Variants in SMG6 observed in about 807,000 individuals in gnomAD.
SMG6 encodes the protein telomerase-binding protein EST1A.
In SMG6, 66 loss-of-function variants were observed where a neutral mutation model predicts 142.2. The observed-to-expected ratio is 0.46, with a 90% CI of 0.38 to 0.57. The LOEUF (loss-of-function observed/expected upper bound fraction) is 0.57, where lower values mean the gene tolerates loss of function less well. SMG6 is among the 20% of genes least tolerant of loss of function. SMG6 has a pLI of 0.00. For synonymous variants in SMG6, 779 were observed against 702.4 expected, an observed-to-expected ratio of 1.11 and a Z score of -1.72; for missense variants, 1,793 against 1,832.0, an observed-to-expected ratio of 0.98 and a Z score of 0.39.
At chr17:2,282,951 A>G in intron 7 of SMG6, 92 bp from the exon 8 acceptor site, 2 of 1,285,588 alleles carry the variant, frequency 1.6e-6, no homozygotes, top group Non-Finnish European at 1.1e-6. Flanking sequence ...CAGGCGGATC[A>G]CTTGAGGTCA....
intron 1 of SMG6, among the ~76,000 whole-genome samples, chr17:2,301,080 C>T (rs1278834855): frequency 5.3e-5 from 8 of 152,162 alleles, no homozygotes; most frequent in Non-Finnish European, 1.0e-4. Flanking sequence ...CCTTTTCTTC[C>T]GCCTCTAACT....
intron 12 of SMG6, among the ~76,000 whole-genome samples, chr17:2,181,017 A>G (rs1049356336): frequency 6.6e-6 from 1 of 152,164 alleles, no homozygotes; most frequent in African/African-American, 2.4e-5. Flanking sequence ...AGCAACAAGG[A>G]CTTTACAAGC....
chr17:2,221,352 C>T (rs1178593825), intron 10 of SMG6, among the ~76,000 whole-genome samples: 2 of 152,194 alleles, frequency 1.3e-5, no homozygotes, highest in African/African-American at 2.4e-5. Context: ...TCCCCCTTCA[C>T]TCTCTTCCTC....
At chr17:2,143,124 G>T (rs1352026058) in intron 13 of SMG6, among the ~76,000 whole-genome samples, 1 of 152,140 alleles carries the variant, frequency 6.6e-6, no homozygotes, top group East Asian at 1.9e-4. Flanking sequence ...CTGCTAGTGA[G>T]AATGTAAAAT....
chr17:2,166,823 G>A (rs1189888705), intron 13 of SMG6, among the ~76,000 whole-genome samples: 1 of 152,024 alleles, frequency 6.6e-6, no homozygotes, highest in Admixed American at 6.6e-5. Context: ...AAAAAGCAAA[G>A]ACAGATATAA....
intron 10 of SMG6, among the ~76,000 whole-genome samples, chr17:2,207,767 T>C (rs1209198239): frequency 6.6e-6 from 1 of 152,236 alleles, no homozygotes; most frequent in Non-Finnish European, 1.5e-5. Context: ...GCTACATTTA[T>C]ATTTTAACAC....
Position 2,300,269 on chromosome 17 carries a change from G to A in SMG6, c.484C>T (p.Arg162Trp), listed in dbSNP as rs200691961. Residue 162 changes from arginine (R) to tryptophan (W), a missense_variant, in exon 2 of 19, where the codon CGG (arginine) becomes TGG (tryptophan). Coordinates refer to ENST00000263073, the MANE Select transcript of SMG6 (RefSeq NM_017575.5). ...TTGAGGACTTCTTCCTCCTCCACCC[G>A]ACTGGCGGATTCTTTGCTAACAGTC... ...LQTVSKESAS[R>W]VEEEEVLNQV... 579 of 1,614,014 alleles carry A rather than the reference G, an allele frequency of 3.6e-4. No homozygotes were observed. The highest frequency in any genetic ancestry group is 4.8e-4 in the Non-Finnish European group (562 of 1,180,024).
intron 10 of SMG6, among the ~76,000 whole-genome samples, chr17:2,230,326 AAAAAAAAAAAG>A (rs1431884652): frequency 2.6e-4 from 31 of 119,368 alleles, no homozygotes; most frequent in Non-Finnish European, 3.3e-4. Context: ...AAAAAAAAAA[AAAAAAAAAAAG>A]GGAAAACCAC....
intron 15 of SMG6, among the ~76,000 whole-genome samples, chr17:2,078,965 C>T (rs985614307): frequency 3.3e-5 from 5 of 151,408 alleles, no homozygotes; most frequent in African/African-American, 9.8e-5. Context: ...GATAGGTCAT[C>T]GGTGATTTTT....
intron 15 of SMG6, among the ~76,000 whole-genome samples, chr17:2,079,294 A>G (rs1162104216): frequency 6.6e-6 from 1 of 152,210 alleles, no homozygotes; most frequent in Non-Finnish European, 1.5e-5. Flanking sequence ...AACAGTTTCC[A>G]TAACTGCTGG....
At chr17:2,120,366 T>C (rs1454909322) in intron 13 of SMG6, among the ~76,000 whole-genome samples, 1 of 151,484 alleles carries the variant, frequency 6.6e-6, no homozygotes, top group Admixed American at 6.6e-5. Flanking sequence ...CTCAAGAAAA[T>C]GGGAGGAAGA....
intron 10 of SMG6, among the ~76,000 whole-genome samples, chr17:2,206,946 A>G (rs1484451032): frequency 6.6e-6 from 1 of 151,532 alleles, no homozygotes; most frequent in Non-Finnish European, 1.5e-5. Flanking sequence ...TGAAAGTAAA[A>G]TATTTTTTAA....
rs2071998358 is a variant in SMG6 at position 2,186,705 on chromosome 17, T to A, written c.3113A>T (p.Asp1038Val). ...GGATGTGGGAGGAGGATTCCAGGTG[T>A]CCGGGTAGCCGAGCATCCAATCTGA... ...VWSDWMLGYP[D>V]TWNPPPTSLD... Residue 1038 changes from aspartate to valine, a missense_variant, in exon 12 of 19, where the codon GAC becomes GTC. By Grantham distance (152) the Asp-to-Val change is radical. Around this residue, in one of 3 missense-constraint regions of SMG6, gnomAD observed 1,597 missense variants for 1,584.6 expected, o/e 1.01. Transcript: ENST00000263073. 1 of 1,614,158 alleles carries A rather than the reference T, an allele frequency of 6.2e-7. No individual in the cohort carries two copies. Among genetic ancestry groups the A allele is most frequent in the African/African-American group, 1.3e-5 (1 of 75,034 alleles).
chr17:2,301,602 G>C (rs1025957925), intron 1 of SMG6, among the ~76,000 whole-genome samples: 1 of 152,186 alleles, frequency 6.6e-6, no homozygotes, highest in Non-Finnish European at 1.5e-5. Context: ...CAGCACTTTG[G>C]GAGGCCGTGG....
chr17:2,166,395 C>T (rs1263477305), intron 13 of SMG6, among the ~76,000 whole-genome samples: 1 of 151,944 alleles, frequency 6.6e-6, no homozygotes, highest in Non-Finnish European at 1.5e-5. Context: ...AATAGAGAAA[C>T]AAATTATATT....
Position 2,196,931 on chromosome 17 carries a change from T to C in SMG6, c.2870-8416A>G, listed in dbSNP as rs76375356. Among the ~76,000 whole-genome samples, 321 of 152,232 alleles carry C rather than the reference T, an allele frequency of 2.1e-3. 3 individuals carry two copies. Among genetic ancestry groups the C allele is most frequent in the African/African-American group, 7.5e-3 (311 of 41,546 alleles). ...GTACTGAAGCAATTAGACATCTGTA[T>C]GCAAAAAAACAAAGCAATAAAACCT... is the stretch of plus-strand genomic sequence containing the variant. On this transcript the variant is annotated intron_variant, in intron 10 of 18. Coordinates refer to ENST00000263073, the MANE Select transcript of SMG6 (RefSeq NM_017575.5).
rs1307007339 is a variant in SMG6, at chr17:2,297,962, A to C, written c.1941T>G (p.Ala647=). 1 of 1,613,412 alleles carries C rather than the reference A, an allele frequency of 6.2e-7. No individual in the cohort carries two copies. Among genetic ancestry groups the C allele is most frequent in the Non-Finnish European group, 8.5e-7 (1 of 1,180,012 alleles). ...QNVDQILWKN[A]FYQVIEKFRQ... ...TGAACTTCTCAATCACCTGATAGAAAGCATTCTTCCACAGGATCTGATCCA... is the reference window on the plus strand; with the variant it reads ...TGAACTTCTCAATCACCTGATAGAACGCATTCTTCCACAGGATCTGATCCA... The change falls in exon 3 of 19, where the codon GCT becomes GCG. Residue 647 remains alanine (A), a synonymous_variant. Coordinates refer to ENST00000263073, the MANE Select transcript of SMG6 (RefSeq NM_017575.5).
At chr17:2,286,808 G>A (rs1240021716) in intron 6 of SMG6, among the ~76,000 whole-genome samples, 1 of 151,504 alleles carries the variant, frequency 6.6e-6, no homozygotes, top group Non-Finnish European at 1.5e-5. Context: ...TCAGCAGAAT[G>A]AAAAGACAAT....
At chr17:2,143,427 G>A (rs181952452) in intron 13 of SMG6, among the ~76,000 whole-genome samples, 1 of 152,318 alleles carries the variant, frequency 6.6e-6, no homozygotes, top group Admixed American at 6.5e-5. Flanking sequence ...GATATGAGCT[G>A]TGACATGGAT....
Sources: gnomAD v4.1 joint callset for allele counts (sites outside exome capture counted in the v4.1 genomes callset) on GRCh38, gnomAD v4.1.1 for gene constraint, gnomAD v4.1.1 regional missense constraint, MANE v1.5 for transcripts, NCBI Gene and HGNC (gene_info 2026-07-23, HGNC 2026-07-21) for gene names.